MAPK10: variants seen among roughly 807,000 people sequenced by gnomAD.
The protein encoded by MAPK10 is JNK3 alpha protein kinase.
A neutral mutation model predicts 59.3 loss-of-function variants in MAPK10; 25 were observed. The observed-to-expected ratio is 0.42, with a 90% confidence interval of 0.31 to 0.59. The LOEUF (loss-of-function observed/expected upper bound fraction) is 0.59. Ranked by LOEUF, MAPK10 falls within the 20% of genes least tolerant of loss-of-function variation. MAPK10 has a pLI of 0.15. For synonymous variants in MAPK10, 190 were observed against 200.5 expected, an observed-to-expected ratio of 0.95 and a Z score of 0.44; for missense variants, 351 against 568.9, an observed-to-expected ratio of 0.62 and a Z score of 3.90.
At chr4:86,550,558 G>A (rs1050439746) in intron 1 of MAPK10, among the ~76,000 whole-genome samples, 10 of 152,134 alleles carry the variant, frequency 6.6e-5, no homozygotes, top group African/African-American at 2.4e-4. Context: ...AATTAGCCAG[G>A]TGTGGTGGTG....
At chr4:86,546,827 C>A (rs1371282199) in intron 1 of MAPK10, among the ~76,000 whole-genome samples, 1 of 151,980 alleles carries the variant, frequency 6.6e-6, no homozygotes. Flanking sequence ...GAGGCCGAGG[C>A]GGGTGGATCA....
At chr4:86,577,008 T>C (rs771972901) in intron 1 of MAPK10, among the ~76,000 whole-genome samples, 5 of 152,154 alleles carry the variant, frequency 3.3e-5, no homozygotes, top group Non-Finnish European at 5.9e-5. Context: ...ATATTTAGTA[T>C]AAATGCATTT....
chr4:86,125,320 C>T (rs921140175), intron 4 of MAPK10: 1 of 151,028 alleles, frequency 6.6e-6, no homozygotes, highest in African/African-American at 2.4e-5. Flanking sequence ...TGAGATGTAC[C>T]ACAGTAATTA....
intron 2 of MAPK10, among the ~76,000 whole-genome samples, chr4:86,230,349 G>A (rs2091361233): frequency 6.6e-6 from 1 of 152,190 alleles, no homozygotes; most frequent in Non-Finnish European, 1.5e-5. Flanking sequence ...AAAGAAAACA[G>A]CACACAACAC....
intron 10 of MAPK10, among the ~76,000 whole-genome samples, chr4:86,065,881 T>C (rs938739096): frequency 4.6e-5 from 7 of 152,210 alleles, no homozygotes; most frequent in African/African-American, 1.7e-4. Flanking sequence ...AATTTTTATT[T>C]AATCAATTTT....
Position 86,462,549 on chromosome 4 carries a change from T to C in MAPK10, c.-262-107905A>G, listed in dbSNP as rs115909967. ...GTAGATACAGAAGCAGACATTTCAA[T>C]CACTTCTCTACAGCACCAGCCGTCC... On this transcript the variant is annotated intron_variant, in intron 1 of 4. Coordinates refer to the MAPK10 transcript ENST00000502302. Among the ~76,000 whole-genome samples, 897 of 152,304 alleles carry C rather than the reference T, an allele frequency of 5.9e-3. 7 individuals are homozygous for C. The highest frequency in any genetic ancestry group is 0.019 in the African/African-American group (801 of 41,556).
chr4:86,550,411 A>AAAAAAAAAG (rs1467490853), intron 1 of MAPK10, among the ~76,000 whole-genome samples: 1 of 136,132 alleles, frequency 7.3e-6, no homozygotes, highest in Non-Finnish European at 1.6e-5. Flanking sequence ...AAAAAAAAAA[A>AAAAAAAAAG]CTCCAGGCCA....
chr4:86,191,721 T>C (rs2079932477), intron 3 of MAPK10: 1 of 151,916 alleles, frequency 6.6e-6, no homozygotes, highest in Non-Finnish European at 1.5e-5. Flanking sequence ...TTTAACTCAA[T>C]CCAATTTGCC....
chr4:86,589,853 A>G (rs1263430553), intron 1 of MAPK10, among the ~76,000 whole-genome samples: 12 of 148,248 alleles, frequency 8.1e-5, no homozygotes, highest in Admixed American at 4.7e-4. Flanking sequence ...GCATGGTGGC[A>G]GGCGCCTATA....
chr4:86,341,281 C>T (rs553527911), intron 2 of MAPK10, among the ~76,000 whole-genome samples: 1 of 152,300 alleles, frequency 6.6e-6, no homozygotes, highest in East Asian at 1.9e-4. Context: ...ACAAACTTGG[C>T]TGTAGCTTCT....
chr4:86,239,236 G>C (rs757276901), intron 2 of MAPK10, among the ~76,000 whole-genome samples: 6 of 152,154 alleles, frequency 3.9e-5, no homozygotes, highest in Non-Finnish European at 8.8e-5. Flanking sequence ...TGTGCTGCTG[G>C]ATTCAGTTTG....
chr4:86,372,573 G>GA (rs1177752484), intron 1 of MAPK10, among the ~76,000 whole-genome samples: 2 of 120,186 alleles, frequency 1.7e-5, no homozygotes, highest in African/African-American at 3.3e-5. Flanking sequence ...AGAAAGAAAA[G>GA]AAAAGAAAAG....
intron 2 of MAPK10, among the ~76,000 whole-genome samples, chr4:86,197,076 G>A (rs2081490783): frequency 6.6e-6 from 1 of 152,112 alleles, no homozygotes; most frequent in African/African-American, 2.4e-5. Flanking sequence ...ATTTAAAGTA[G>A]TTTTTTCTAA....
At chr4:86,047,209 G>A (rs561244258) in intron 11 of MAPK10, among the ~76,000 whole-genome samples, 29 of 152,164 alleles carry the variant, frequency 1.9e-4, no homozygotes, top group South Asian at 8.3e-4. Context: ...GGTTACACAC[G>A]AATGTGTGTT....
chr4:86,084,523 A>G (rs1296488216), intron 9 of MAPK10, among the ~76,000 whole-genome samples: 1 of 152,200 alleles, frequency 6.6e-6, no homozygotes, highest in African/African-American at 2.4e-5. Flanking sequence ...AAAATAAAAT[A>G]CCTAAGAAGT....
chr4:86,386,210 C>T (rs1463212439), intron 1 of MAPK10, among the ~76,000 whole-genome samples: 2 of 152,160 alleles, frequency 1.3e-5, no homozygotes, highest in Non-Finnish European at 2.9e-5. Flanking sequence ...TGCGATACTC[C>T]GCTCCTGGTT....
chr4:86,102,075 C>T, intron 6 of MAPK10, 43 bp from the exon 7 acceptor site: 1 of 1,577,848 alleles, frequency 6.3e-7, no homozygotes, highest in Non-Finnish European at 8.7e-7. Flanking sequence ...ATCACAAGAT[C>T]TATGAAGTCC....
chr4:86,453,441 T>C (rs1389296182), upstream of MAPK10: 3 of 152,358 alleles, frequency 2.0e-5, no homozygotes, highest in Admixed American at 1.3e-4. Context: ...CTGTTTGCGT[T>C]GTGTGGGAAC....
At chr4:86,483,244 A>G (rs17452467) in intron 1 of MAPK10, among the ~76,000 whole-genome samples, 34,159 of 152,126 alleles carry the variant, frequency 0.22, 4,785 homozygotes, top group Admixed American at 0.31. Flanking sequence ...TTTTCTGCAG[A>G]ATCCTCACCG....
Sources: gnomAD v4.1 joint callset for allele counts (sites outside exome capture counted in the v4.1 genomes callset) on GRCh38, gnomAD v4.1.1 for gene constraint, MANE v1.5 for transcripts, NCBI Gene and HGNC (gene_info 2026-07-23, HGNC 2026-07-21) for gene names.